PDSS2: variants seen among roughly 807,000 people sequenced by gnomAD.
PDSS2 encodes all trans-polyprenyl-diphosphate synthase PDSS2.
In PDSS2, 31 loss-of-function variants were observed where a neutral mutation model predicts 44.5. The ratio of observed to expected loss-of-function variants is 0.70; its 90% CI spans 0.52 to 0.94. The LOEUF is 0.94. PDSS2 is among the 40% of genes least tolerant of loss of function. The pLI is 0.00. For missense variants in PDSS2, 452 were observed against 482.2 expected (o/e 0.94, Z 0.59); for synonymous variants, 157 against 180.3 (o/e 0.87, Z 1.03).
At chr6:107,169,443 G>A (rs1554248125) in intron 7 of PDSS2, among the ~76,000 whole-genome samples, 1 of 152,148 alleles carries the variant, frequency 6.6e-6, no homozygotes, top group Admixed American at 6.6e-5. Flanking sequence ...TTAGCTCGGA[G>A]AAGTCTGATC....
At chr6:107,321,773 A>G (rs780157765) in intron 2 of PDSS2, among the ~76,000 whole-genome samples, 3 of 152,160 alleles carry the variant, frequency 2.0e-5, no homozygotes, top group Non-Finnish European at 2.9e-5. Flanking sequence ...AATATACTCA[A>G]TTCAACCACC....
intron 7 of PDSS2, among the ~76,000 whole-genome samples, chr6:107,160,885 C>T (rs868946239): frequency 3.3e-5 from 5 of 152,060 alleles, no homozygotes; most frequent in South Asian, 4.2e-4. Flanking sequence ...GGATTACAGG[C>T]GTGCCACCAT....
chr6:107,179,299 T>TA (rs1274093325), intron 7 of PDSS2, among the ~76,000 whole-genome samples: 1 of 152,020 alleles, frequency 6.6e-6, no homozygotes, highest in Non-Finnish European at 1.5e-5. Context: ...TTTTTTTTTT[T>TA]AGATGGAGTT....
At chr6:107,347,053 T>G (rs1383471773) in intron 1 of PDSS2, among the ~76,000 whole-genome samples, 4 of 152,016 alleles carry the variant, frequency 2.6e-5, no homozygotes, top group Non-Finnish European at 1.5e-5. Flanking sequence ...ACAGTGAAAG[T>G]GCTGTCCAGG....
At chr6:107,225,110 G>A (rs570474918) in intron 4 of PDSS2, among the ~76,000 whole-genome samples, 4 of 121,982 alleles carry the variant, frequency 3.3e-5, no homozygotes, top group South Asian at 5.0e-4. Flanking sequence ...CAAGAAGGAC[G>A]AAGGAAGCTT....
intron 2 of PDSS2, among the ~76,000 whole-genome samples, chr6:107,276,602 A>G (rs1216612827): frequency 6.6e-6 from 1 of 152,142 alleles, no homozygotes; most frequent in Admixed American, 6.5e-5. Flanking sequence ...TATGGAAGGA[A>G]TGTGAAATAT....
chr6:107,339,790 G>A (rs2430456), intron 1 of PDSS2, among the ~76,000 whole-genome samples: 142,493 of 152,160 alleles, frequency 0.94, 67,324 homozygotes, highest in South Asian at 1. Context: ...ACTGTATGAA[G>A]TGAAACTGGT....
intron 2 of PDSS2, among the ~76,000 whole-genome samples, chr6:107,282,537 C>T (rs1246710212): frequency 6.6e-6 from 1 of 151,920 alleles, no homozygotes; most frequent in East Asian, 2.0e-4. Context: ...GGACTACAGG[C>T]ACATACCACC....
chr6:107,269,340 CTGTGTGTGTGTGTG>C (rs58803876), intron 3 of PDSS2, among the ~76,000 whole-genome samples: 5 of 143,306 alleles, frequency 3.5e-5, no homozygotes, highest in Admixed American at 2.1e-4. Context: ...TTTCGTGTGT[CTGTGTGTGTGTGTG>C]TGTGTGTGTG....
chr6:107,333,780 C>A (rs1241698709), intron 2 of PDSS2, among the ~76,000 whole-genome samples: 1 of 152,158 alleles, frequency 6.6e-6, no homozygotes, highest in East Asian at 1.9e-4. Context: ...AAGTGATCCA[C>A]CAGGCTTGGC....
At chr6:107,280,577 A>C (rs1310338075) in intron 2 of PDSS2, among the ~76,000 whole-genome samples, 1 of 152,122 alleles carries the variant, frequency 6.6e-6, no homozygotes, top group Non-Finnish European at 1.5e-5. Flanking sequence ...TAGCATCCTA[A>C]GCTTCAGAAA....
intron 7 of PDSS2, among the ~76,000 whole-genome samples, chr6:107,180,225 G>C (rs9386620): frequency 1.3e-5 from 2 of 151,868 alleles, no homozygotes; most frequent in Non-Finnish European, 2.9e-5. Flanking sequence ...TGGTGCACAG[G>C]TGGCTTCTGA....
At chr6:107,218,339 C>G (rs925167476) in intron 4 of PDSS2, among the ~76,000 whole-genome samples, 2 of 152,266 alleles carry the variant, frequency 1.3e-5, no homozygotes, top group African/African-American at 2.4e-5. Flanking sequence ...CTCCTAGATG[C>G]CTCTTGGCCT....
At position 107,254,869 on chromosome 6, in the gene PDSS2, A is replaced by G. The variant is rs1219580611; in HGVS notation, c.631-9250T>C. Among the ~76,000 whole-genome samples, 8 of 146,468 alleles carry G rather than the reference A, an allele frequency of 5.5e-5. No homozygotes were observed. The Admixed American group carries it at 5.5e-4, about 10-fold the overall frequency. On this transcript the variant is annotated intron_variant, in intron 3 of 7. Coordinates refer to ENST00000369037, the MANE Select transcript of PDSS2 (RefSeq NM_020381.4). ...AATACATGTGCATATATAAAACTAC[A>G]TTTTTTTTTTTTTAGATGGAGTCTC...
chr6:107,263,136 A>G (rs1582865453), intron 3 of PDSS2, among the ~76,000 whole-genome samples: 2 of 151,236 alleles, frequency 1.3e-5, no homozygotes, highest in East Asian at 3.9e-4. Context: ...TGTAGAATGC[A>G]GATTTTTTTT....
intron 2 of PDSS2, among the ~76,000 whole-genome samples, chr6:107,315,423 T>C (rs1214368662): frequency 6.6e-6 from 1 of 152,186 alleles, no homozygotes; most frequent in Admixed American, 6.5e-5. Context: ...GTTAATAAAA[T>C]ATCAAAATTC....
At chr6:107,206,228 C>G (rs9486560) in intron 6 of PDSS2, among the ~76,000 whole-genome samples, 1 of 151,830 alleles carries the variant, frequency 6.6e-6, no homozygotes, top group Non-Finnish European at 1.5e-5. Context: ...TGCGCCACCA[C>G]GCCCAGCTAA....
intron 7 of PDSS2, among the ~76,000 whole-genome samples, chr6:107,176,824 A>G (rs1386337842): frequency 2.6e-5 from 4 of 152,206 alleles, no homozygotes; most frequent in African/African-American, 4.8e-5. Flanking sequence ...ACATGTTTAT[A>G]TGGTTTAGAG....
chr6:107,231,612 C>T (rs189256526), intron 4 of PDSS2, among the ~76,000 whole-genome samples: 217 of 152,304 alleles, frequency 1.4e-3, no homozygotes, highest in African/African-American at 4.9e-3. Flanking sequence ...TGGTTATTTG[C>T]TACTGCTTAC....
Sources: allele counts gnomAD v4.1 joint callset (sites outside exome capture counted in the v4.1 genomes callset), GRCh38; gene constraint gnomAD v4.1.1; transcripts MANE v1.5; gene names NCBI Gene and HGNC (gene_info 2026-07-23, HGNC 2026-07-21).